The following ALDH1L2 variants were observed in gnomAD, a reference collection of about 807,000 sequenced individuals.
ALDH1L2 encodes the protein aldehyde dehydrogenase 1 family member L2.
ALDH1L2 carries 91 observed loss-of-function variants against 111.0 expected under a neutral mutation model. The observed-to-expected ratio is 0.82, with a 90% CI of 0.69 to 0.98. The LOEUF (loss-of-function observed/expected upper bound fraction) is 0.98, where lower values mean the gene tolerates loss of function less well. ALDH1L2 is among the 50% of genes least tolerant of loss of function. The pLI is 0.00. For synonymous variants in ALDH1L2, 374 were observed against 392.6 expected (o/e 0.95, Z 0.56); for missense variants, 995 against 1,126.8 (o/e 0.88, Z 1.67).
chr12:105,052,957 A>T lies in ALDH1L2; in HGVS notation c.1288-26T>A, dbSNP rs757148621. 13 of 1,610,754 alleles carry T rather than the reference A, an allele frequency of 8.1e-6. No individual in the cohort carries two copies. The African/African-American group carries it at 1.7e-4, about 22-fold the overall frequency. ...CTGAGAGAAGTATATTAATAGATTC[A>T]ATGGATTTCCGTGTTTACCAATTTG... On this transcript the variant is annotated intron_variant, in intron 10 of 22. Coordinates refer to ENST00000258494, the MANE Select transcript of ALDH1L2 (RefSeq NM_001034173.4).
At chr12:105,027,002 G>A (rs868362367) in intron 21 of ALDH1L2, among the ~76,000 whole-genome samples, 5 of 152,046 alleles carry the variant, frequency 3.3e-5, no homozygotes, top group East Asian at 1.9e-4. Flanking sequence ...CCCAAGTAGC[G>A]GGGACTACAG....
chr12:105,065,476 T>C lies in ALDH1L2; in HGVS notation c.697-120A>G. Reference sequence around the variant, plus strand: ...TATTGGGAAATAAAGGAATTTTTGCTTCTTAGTTTTATTTGGAGTAAGTAT... The same window carrying C: ...TATTGGGAAATAAAGGAATTTTTGCCTCTTAGTTTTATTTGGAGTAAGTAT... On this transcript the variant is annotated intron_variant, in intron 5 of 22. Transcript: ENST00000258494. The C allele has an allele frequency of 8.0e-6, 6 of 750,820 alleles. No individual in the cohort carries two copies. In the South Asian group the frequency reaches 8.5e-5, roughly 11 times the overall value. 46.5% of individuals were successfully genotyped at this position (750,820 alleles called of 1,614,324 possible). A position where few individuals can be genotyped will look rare whatever the true frequency, so the allele number is the denominator to read the frequency against.
At position 105,042,422 on chromosome 12, in the gene ALDH1L2, T is replaced by C. The variant is rs148536499; in HGVS notation, c.1864-1728A>G. 6.9e-3 allele frequency among the ~76,000 whole-genome samples: 975 copies of C among 141,750 alleles called. 8 individuals are homozygous for C. The highest frequency in any genetic ancestry group is 0.024 in the African/African-American group (923 of 39,004). 93.0% of individuals were successfully genotyped at this position (141,750 alleles called of 152,430 possible). On this transcript the variant is annotated intron_variant, in intron 15 of 22. Coordinates refer to ENST00000258494, the MANE Select transcript of ALDH1L2 (RefSeq NM_001034173.4). ...TTTGGGTTTTTTTGTTGTTGTTGTT[T>C]TGCGTTGCCTTTATCCTGAGGACAT...
chr12:105,056,897 C>T (rs10861336), intron 10 of ALDH1L2, among the ~76,000 whole-genome samples: 58,409 of 150,016 alleles, frequency 0.39, 12,578 homozygotes, highest in Middle Eastern at 0.61. Flanking sequence ...GCACAAGTGG[C>T]AAAAGAACAT....
rs986445355 is a variant in ALDH1L2 at position 105,084,405 on chromosome 12, C to G, written c.32G>C (p.Arg11Pro). The G allele has an allele frequency of 2.9e-5, 43 of 1,496,524 alleles. No homozygotes were observed. In the East Asian group the frequency reaches 4.0e-4, roughly 14 times the overall value. The allele number at this position is 1,496,524 out of a possible 1,614,324, so 92.7% of individuals were successfully genotyped here. MLRRGSQALR[R>P]FSTGRVYFKN... ...CGGACTCACCCGGCCAGTGGAGAAG[C>G]GCCGGAGCGCCTGGCTGCCCCGCCG... is the stretch of plus-strand genomic sequence containing the variant. The change falls in exon 1 of 23, where the codon CGC (arginine) becomes CCC (proline). Residue 11 changes from arginine to proline, a missense_variant. By Grantham distance (103) the Arg-to-Pro change is moderately radical. Transcript: ENST00000258494.
Position 105,022,126 on chromosome 12 carries a change from A to T in ALDH1L2, c.*2298T>A, listed in dbSNP as rs1485597840. On this transcript the variant is annotated 3_prime_UTR_variant, in exon 23 of 23. Transcript: ENST00000258494. ...AAGTAAATCACCTAGCAGGCTGGGG[A>T]GGGTGATGTTCCAATTCCAGTTCAC... The T allele has an allele frequency of 1.3e-5, 2 of 152,168 alleles. No homozygotes were observed. Among genetic ancestry groups the T allele is most frequent in the Non-Finnish European group, 2.9e-5 (2 of 68,030 alleles). 9.4% of individuals were successfully genotyped at this position (152,168 alleles called of 1,614,324 possible).
chr12:105,025,919 G>C (rs1036569902), intron 22 of ALDH1L2, among the ~76,000 whole-genome samples: 1 of 152,204 alleles, frequency 6.6e-6, no homozygotes, highest in Non-Finnish European at 1.5e-5. Context: ...CTGAGCTCGT[G>C]TGAGAATTGC....
chr12:105,026,676 C>T lies in ALDH1L2; in HGVS notation c.2585G>A (p.Arg862Lys). ...EYGLASGVFT[R>K]DINKAMYVSE... ...CACATACATAGCTTTGTTTATGTCTCTTGTAAAAACCCCTGAGGCCAAACC... is the reference window on the plus strand; with the variant it reads ...CACATACATAGCTTTGTTTATGTCTTTTGTAAAAACCCCTGAGGCCAAACC... Residue 862 changes from arginine (R) to lysine (K), a missense_variant, in exon 22 of 23, where the codon AGA becomes AAA. By Grantham distance (26) the Arg-to-Lys change is conservative (BLOSUM62 2). Transcript: ENST00000258494. 6.2e-7 allele frequency: 1 copy of T among 1,614,188 alleles called. No individual in the cohort carries two copies. Among genetic ancestry groups the T allele is most frequent in the Non-Finnish European group, 8.5e-7 (1 of 1,180,036 alleles).
intron 1 of ALDH1L2, among the ~76,000 whole-genome samples, chr12:105,084,001 C>T (rs1186936502): frequency 6.6e-6 from 1 of 152,148 alleles, no homozygotes; most frequent in East Asian, 1.9e-4. Context: ...GAGACAGTCT[C>T]GGTTCCATAT....
chr12:105,060,457 C>T (rs145324138), intron 9 of ALDH1L2: 1 of 152,156 alleles, frequency 6.6e-6, no homozygotes, highest in African/African-American at 2.4e-5. Flanking sequence ...AAAACAACTT[C>T]TGGTTAGCAA....
chr12:105,061,774 A>G (rs1282683769), intron 7 of ALDH1L2, 22 bp from the exon 8 acceptor site: 1 of 1,613,868 alleles, frequency 6.2e-7, no homozygotes, highest in Admixed American at 1.7e-5. Context: ...CAACAAAACA[A>G]GCATAAAAAT....
intron 22 of ALDH1L2, among the ~76,000 whole-genome samples, chr12:105,025,086 T>C (rs1305713970): frequency 6.6e-6 from 1 of 152,212 alleles, no homozygotes; most frequent in Non-Finnish European, 1.5e-5. Context: ...TGTTTCTATT[T>C]TGAGCCAGTA....
Position 105,058,082 on chromosome 12 carries a change from AAC to A in ALDH1L2, c.1276_1277del (p.Val426CysfsTer10). 1 of 1,612,670 alleles carries A rather than the reference AAC, an allele frequency of 6.2e-7. No homozygotes were observed. Among genetic ancestry groups the A allele is most frequent in the Non-Finnish European group, 8.5e-7 (1 of 1,179,504 alleles). ...TCAAGGAAAAGCTTACATAATCTAC[AAC>A]CAGCTCCACCTCTTGATCTTCTCCT... ...LRGEDQEVEL[V>X]VDYISKEVNE... On this transcript the variant is annotated frameshift_variant, in exon 10 of 23. Coordinates refer to ENST00000258494, the MANE Select transcript of ALDH1L2 (RefSeq NM_001034173.4). LOFTEE classifies it high-confidence loss of function.
intron 22 of ALDH1L2, among the ~76,000 whole-genome samples, chr12:105,025,276 T>A (rs1362994053): frequency 6.6e-6 from 1 of 152,186 alleles, no homozygotes; most frequent in Non-Finnish European, 1.5e-5. Flanking sequence ...TAGATCAGTA[T>A]CTGTATTTTT....
rs1239712006 is a variant in ALDH1L2, at chr12:105,038,260, T to TCA, written c.2046-60_2046-59dup. ...GTTAACATCTCTCTCTCTCTCTCTC[T>TCA]CACACACACACACACACAAACACAC... On this transcript the variant is annotated intron_variant, in intron 17 of 22. Coordinates refer to ENST00000258494, the MANE Select transcript of ALDH1L2 (RefSeq NM_001034173.4). 283 of 584,176 alleles carry TCA rather than the reference T, an allele frequency of 4.8e-4. No homozygotes were observed. The African/African-American group carries it at 5.9e-3, about 12-fold the overall frequency. 36.2% of individuals were successfully genotyped at this position (584,176 alleles called of 1,614,324 possible). A position where few individuals can be genotyped will look rare whatever the true frequency, so the allele number is the denominator to read the frequency against.
chr12:105,052,845 C>A lies in ALDH1L2; in HGVS notation c.1374G>T (p.Lys458Asn). ...NGQFTDADDG[K>N]TYDTINPTDG... The stretch of plus-strand genomic sequence containing the variant: ...CTGTTGGGTTGATAGTGTCGTAAGT[C>A]TTTCCATCGTCTGCATCTGTGAACT... Residue 458 changes from lysine to asparagine, a missense_variant, in exon 11 of 23, where the codon AAG becomes AAT. Physicochemically the swap from Lys to Asn is moderately conservative, Grantham distance 94 (BLOSUM62 0). Transcript: ENST00000258494. 1 of 1,614,158 alleles carries A rather than the reference C, an allele frequency of 6.2e-7. No individual in the cohort carries two copies. The highest frequency in any genetic ancestry group is 8.5e-7 in the Non-Finnish European group (1 of 1,180,008).
In ALDH1L2 at chr12:105,024,195, G is replaced by A. The variant is rs1874297351; in HGVS notation, c.*229C>T. The A allele has an allele frequency of 1.7e-6, 1 of 580,594 alleles. No homozygotes were observed. Among genetic ancestry groups the A allele is most frequent in the East Asian group, 2.8e-5 (1 of 35,390 alleles). 36.0% of individuals were successfully genotyped at this position (580,594 alleles called of 1,614,324 possible). A position where few individuals can be genotyped will look rare whatever the true frequency, so the allele number is the denominator to read the frequency against. On this transcript the variant is annotated 3_prime_UTR_variant, in exon 23 of 23. Transcript: ENST00000258494. ...AGCTTGGTATTTTAGAAATACGTAT[G>A]ATATACAACATAGTCAAAATGCAAC...
chr12:105,061,440 G>A (rs1038512952), intron 8 of ALDH1L2, among the ~76,000 whole-genome samples, 187 bp downstream of exon 8: 12 of 152,150 alleles, frequency 7.9e-5, no homozygotes, highest in Admixed American at 2.6e-4. Flanking sequence ...GATGACTTAT[G>A]TGAAAAATCA....
Position 105,036,435 on chromosome 12 carries a change from T to A in ALDH1L2, c.2145+1668A>T, listed in dbSNP as rs1179394390. On this transcript the variant is annotated intron_variant, in intron 18 of 22. Transcript: ENST00000258494. ...ATACGTATATTTATATATGTGTATATATTATATATATCCATATATATGTGT... is the reference window on the plus strand; with the variant it reads ...ATACGTATATTTATATATGTGTATAAATTATATATATCCATATATATGTGT... Among the ~76,000 whole-genome samples the A allele has an allele frequency of 2.7e-5, 3 of 111,074 alleles. 1 individual carries two copies. Among genetic ancestry groups the A allele is most frequent in the Non-Finnish European group, 5.4e-5 (3 of 55,344 alleles). The allele number at this position is 111,074 out of a possible 152,430, so 72.9% of individuals were successfully genotyped here.
Sources: allele counts gnomAD v4.1 joint callset (sites outside exome capture counted in the v4.1 genomes callset), GRCh38; gene constraint gnomAD v4.1.1; transcripts MANE v1.5; gene names NCBI Gene and HGNC (gene_info 2026-07-23, HGNC 2026-07-21).